R3HDM2: variants seen among roughly 807,000 people sequenced by gnomAD.
The protein encoded by R3HDM2 is R3H domain containing 2.
R3HDM2 carries 38 observed loss-of-function variants against 124.5 expected under a neutral mutation model. The observed-to-expected ratio is 0.31, with a 90% CI of 0.24 to 0.40. The LOEUF is 0.40. Ranked by LOEUF, R3HDM2 falls within the 10% of genes least tolerant of loss-of-function variation. The probability of loss-of-function intolerance (pLI) is 1.00; values close to 1 mark genes in which losing one functional copy is unlikely to be tolerated. For missense variants in R3HDM2, 869 were observed against 1,236.9 expected (o/e 0.70, Z 4.46); for synonymous variants, 391 against 448.0 (o/e 0.87, Z 1.61).
rs775509325 is a variant in R3HDM2, at chr12:57,429,599, G to T, written c.-106+1121C>A. Among the ~76,000 whole-genome samples the T allele has an allele frequency of 7.8e-4, 119 of 152,034 alleles. 1 individual carries two copies. Among genetic ancestry groups the T allele is most frequent in the Non-Finnish European group, 1.5e-3 (102 of 67,944 alleles). ...GTGGTGGCTCATGCCTGTACTCCCA[G>T]CTACTTGGGGGACTGAGGTAGGAGG... On this transcript the variant is annotated intron_variant, in intron 1 of 23. Coordinates refer to ENST00000402412, the MANE Select transcript of R3HDM2 (RefSeq NM_001394031.1).
intron 2 of R3HDM2, among the ~76,000 whole-genome samples, chr12:57,389,675 T>C (rs2066374717): frequency 6.6e-6 from 1 of 152,242 alleles, no homozygotes; most frequent in East Asian, 1.9e-4. Context: ...CTGCTTTAAT[T>C]GGTCAACCTA....
intron 1 of R3HDM2, among the ~76,000 whole-genome samples, chr12:57,428,369 T>C (rs2139737656): frequency 6.6e-6 from 1 of 152,072 alleles, no homozygotes; most frequent in Middle Eastern, 3.4e-3. Flanking sequence ...CGGTGGCTCA[T>C]GCCTGTAATC....
At chr12:57,289,791 A>G (rs995498505) in intron 11 of R3HDM2, among the ~76,000 whole-genome samples, 2 of 152,232 alleles carry the variant, frequency 1.3e-5, no homozygotes, top group Admixed American at 6.5e-5. Flanking sequence ...AGAAGGCTGC[A>G]GCAGCAGCAT....
intron 2 of R3HDM2, among the ~76,000 whole-genome samples, chr12:57,319,666 A>G (rs950588355): frequency 5.9e-5 from 9 of 152,204 alleles, no homozygotes; most frequent in African/African-American, 2.2e-4. Flanking sequence ...TTCAAATCAC[A>G]TGGCTTTAAG....
intron 1 of R3HDM2, among the ~76,000 whole-genome samples, chr12:57,428,581 G>A (rs999062181): frequency 1.3e-5 from 2 of 151,992 alleles, no homozygotes; most frequent in Non-Finnish European, 2.9e-5. Flanking sequence ...CATTTACCCA[G>A]GAGACAGAGC....
chr12:57,303,248 G>A, intron 3 of R3HDM2, 31 bp from the exon 4 acceptor site: 1 of 1,486,892 alleles, frequency 6.7e-7, no homozygotes, highest in Non-Finnish European at 9.2e-7. Context: ...AATATTAAAG[G>A]TGGAAGAAAA....
chr12:57,413,556 T>C (rs890859005), intron 1 of R3HDM2, among the ~76,000 whole-genome samples: 4 of 150,214 alleles, frequency 2.7e-5, no homozygotes, highest in Admixed American at 1.3e-4. Flanking sequence ...ACCAACATGG[T>C]GAAACCCCTT....
In R3HDM2 at chr12:57,330,697, T is replaced by G. The variant is rs1291512773; in HGVS notation, c.-35-20234A>C. On this transcript the variant is annotated intron_variant, in intron 2 of 23. Coordinates refer to ENST00000402412, the MANE Select transcript of R3HDM2 (RefSeq NM_001394031.1). ...TTGTGGCATCTTTAGGGCTTTTCTT[T>G]TTTTTTTTTTTTTTTTTTTGAGACG... Among the ~76,000 whole-genome samples, 5 of 46,458 alleles carry G rather than the reference T, an allele frequency of 1.1e-4. No homozygotes were observed. The South Asian group carries it at 4.9e-3, about 45-fold the overall frequency. The allele number at this position is 46,458 out of a possible 152,430, so 30.5% of individuals were successfully genotyped here.
intron 2 of R3HDM2, among the ~76,000 whole-genome samples, chr12:57,328,875 G>A (rs1233606440): frequency 6.6e-6 from 1 of 151,988 alleles, no homozygotes; most frequent in Non-Finnish European, 1.5e-5. Context: ...ACTTTTATAT[G>A]CACTGAGACA....
At chr12:57,308,811 G>A (rs891631627) in intron 3 of R3HDM2, among the ~76,000 whole-genome samples, 3 of 152,102 alleles carry the variant, frequency 2.0e-5, no homozygotes, top group Non-Finnish European at 4.4e-5. Context: ...GACCCAAAAG[G>A]TCATTTAATT....
At chr12:57,320,490 T>C (rs934638099) in intron 2 of R3HDM2, among the ~76,000 whole-genome samples, 2 of 152,022 alleles carry the variant, frequency 1.3e-5, no homozygotes, top group African/African-American at 4.8e-5. Flanking sequence ...TGTGCTTCCC[T>C]ACAACCTATT....
chr12:57,321,371 C>T lies in R3HDM2; in HGVS notation c.-35-10908G>A, dbSNP rs941387195. 2.6e-5 allele frequency among the ~76,000 whole-genome samples: 4 copies of T among 152,298 alleles called. No homozygotes were observed. The East Asian group carries it at 7.7e-4, about 29-fold the overall frequency. On this transcript the variant is annotated intron_variant, in intron 2 of 23. Transcript: ENST00000402412. ...GAGACACACAAAAACATGGATAGGG[C>T]CGGGCACAGTGGCTCATGCCTGTAA...
At chr12:57,376,611 A>G (rs1294623958) in intron 2 of R3HDM2, among the ~76,000 whole-genome samples, 1 of 152,174 alleles carries the variant, frequency 6.6e-6, no homozygotes, top group Admixed American at 6.5e-5. Context: ...AAATAAAATT[A>G]TTAAGTTCCT....
chr12:57,330,062 G>A (rs1257417261), intron 2 of R3HDM2, among the ~76,000 whole-genome samples: 2 of 152,104 alleles, frequency 1.3e-5, no homozygotes, highest in Non-Finnish European at 2.9e-5. Flanking sequence ...CGCCTCCCGG[G>A]TTTAAGTGAT....
At chr12:57,386,236 C>T (rs536267223) in intron 2 of R3HDM2, among the ~76,000 whole-genome samples, 1 of 152,212 alleles carries the variant, frequency 6.6e-6, no homozygotes, top group African/African-American at 2.4e-5. Flanking sequence ...TTCAGCCCAC[C>T]GCTGCACTGT....
At chr12:57,282,734 T>C (rs1167615730) in intron 13 of R3HDM2, among the ~76,000 whole-genome samples, 2 of 151,956 alleles carry the variant, frequency 1.3e-5, no homozygotes, top group Admixed American at 6.6e-5. Context: ...AGTGTCATAA[T>C]TACATAAAAG....
intron 21 of R3HDM2, 57 bp from the exon 22 acceptor site, chr12:57,256,568 A>G: frequency 4.5e-6 from 6 of 1,333,656 alleles, no homozygotes; most frequent in East Asian, 2.5e-5. Context: ...TATGACTTTT[A>G]TAAGACTTCA....
chr12:57,295,262 G>T (rs2049504258), intron 10 of R3HDM2, 137 bp downstream of exon 10: 1 of 643,658 alleles, frequency 1.6e-6, no homozygotes, highest in Non-Finnish European at 2.7e-6. Flanking sequence ...TTAAGCCAAA[G>T]CCAACTCCGT....
At chr12:57,428,303 G>C (rs1397331539) in intron 1 of R3HDM2, among the ~76,000 whole-genome samples, 1 of 151,954 alleles carries the variant, frequency 6.6e-6, no homozygotes, top group Admixed American at 6.6e-5. Flanking sequence ...TGCATGTTAG[G>C]GGAAAAGGGT....
Sources: gnomAD v4.1 joint callset for allele counts (sites outside exome capture counted in the v4.1 genomes callset) on GRCh38, gnomAD v4.1.1 for gene constraint, MANE v1.5 for transcripts, NCBI Gene and HGNC (gene_info 2026-07-23, HGNC 2026-07-21) for gene names.